The following NYAP2 variants were observed in gnomAD, a reference collection of about 807,000 sequenced individuals.
The protein encoded by NYAP2 is neuronal tyrosine-phosphorylated phosphoinositide-3-kinase adapter 2.
NYAP2 carries 23 observed loss-of-function variants against 50.4 expected under a neutral mutation model. The ratio of observed to expected loss-of-function variants is 0.46; its 90% CI spans 0.33 to 0.65. NYAP2 has a LOEUF of 0.65. NYAP2 is among the 30% of genes least tolerant of loss of function. NYAP2 has a pLI of 0.02. For missense variants in NYAP2, 885 were observed against 861.0 expected (o/e 1.03, Z -0.35); for synonymous variants, 394 against 365.2 (o/e 1.08, Z -0.90).
At chr2:225,514,815 C>T (rs1690898491) in intron 4 of NYAP2, among the ~76,000 whole-genome samples, 2 of 152,116 alleles carry the variant, frequency 1.3e-5, no homozygotes, top group Admixed American at 6.6e-5. Flanking sequence ...CTCTTCTGCC[C>T]CACTCTCCTT....
At chr2:225,507,062 C>T (rs1422252757) in intron 3 of NYAP2, among the ~76,000 whole-genome samples, 2 of 152,146 alleles carry the variant, frequency 1.3e-5, no homozygotes, top group African/African-American at 2.4e-5. Context: ...AAGCAAACTC[C>T]TAGGCAACCC....
Position 225,599,991 on chromosome 2 carries a change from G to A in NYAP2, c.1618+16956G>A, listed in dbSNP as rs1692667906. ...GTTCACAGTGCCCACTGCCTAGACA[G>A]AGCCTATTTATCAAGACAGGGGAAT... is the stretch of plus-strand genomic sequence containing the variant. On this transcript the variant is annotated intron_variant, in intron 5 of 6. Coordinates refer to ENST00000636099, the Ensembl canonical transcript of NYAP2. Among the ~76,000 whole-genome samples, 4 of 152,264 alleles carry A rather than the reference G, an allele frequency of 2.6e-5. No homozygotes were observed. The South Asian group carries it at 8.3e-4, about 32-fold the overall frequency.
At chr2:225,420,771 C>T (rs961636862) in intron 3 of NYAP2, among the ~76,000 whole-genome samples, 6 of 151,676 alleles carry the variant, frequency 4.0e-5, no homozygotes, top group African/African-American at 1.2e-4. Context: ...CCACCATACC[C>T]GGCTAATTTT....
Position 225,614,241 on chromosome 2 carries a change from A to G in NYAP2, c.1619-12676A>G, listed in dbSNP as rs1010186826. ...TCTTATTTGTTCCTAAGTATAGCTG[A>G]TTTATATCTAAATTATGAATGTTAA... On this transcript the variant is annotated intron_variant, in intron 5 of 6. Transcript: ENST00000636099. Among the ~76,000 whole-genome samples the G allele has an allele frequency of 3.3e-5, 5 of 152,188 alleles. No homozygotes were observed. In the East Asian group the frequency reaches 9.6e-4, roughly 29 times the overall value.
At chr2:225,521,575 C>T (rs1291166447) in intron 4 of NYAP2, among the ~76,000 whole-genome samples, 1 of 151,818 alleles carries the variant, frequency 6.6e-6, no homozygotes, top group Non-Finnish European at 1.5e-5. Context: ...CTGGATTACA[C>T]TTATTGATTT....
chr2:225,555,795 A>G (rs1358108646), intron 4 of NYAP2, among the ~76,000 whole-genome samples: 1 of 152,156 alleles, frequency 6.6e-6, no homozygotes, highest in Non-Finnish European at 1.5e-5. Context: ...TTCCAGAATC[A>G]CCTTGAGAGC....
the NYAP2 span, among the ~76,000 whole-genome samples, chr2:225,680,120 G>T: frequency 1.3e-5 from 2 of 152,146 alleles, no homozygotes; most frequent in Non-Finnish European, 2.9e-5. Context: ...CACAATCAAT[G>T]AGAGCTTGGA....
At chr2:225,583,001 G>T in exon 5 of NYAP2, 2 of 1,611,928 alleles carry the variant, frequency 1.2e-6, no homozygotes, top group Non-Finnish European at 1.7e-6. Flanking sequence ...TGCGCAAGTC[G>T]TCCAGTGGCC....
chr2:225,639,475 C>CA (rs1553559618), intron 6 of NYAP2, among the ~76,000 whole-genome samples: 6 of 150,776 alleles, frequency 4.0e-5, no homozygotes, highest in Admixed American at 2.0e-4. Flanking sequence ...ACATTTTTTT[C>CA]TTTTTTTTTG....
intron 5 of NYAP2, among the ~76,000 whole-genome samples, chr2:225,592,981 A>G (rs1478566468): frequency 6.6e-6 from 1 of 152,222 alleles, no homozygotes; most frequent in Admixed American, 6.5e-5. Flanking sequence ...CCTCAGTAGT[A>G]TTTAATTTTA....
intron 5 of NYAP2, among the ~76,000 whole-genome samples, chr2:225,595,697 A>G (rs937175993): frequency 1.3e-5 from 2 of 152,230 alleles, no homozygotes; most frequent in African/African-American, 4.8e-5. Flanking sequence ...CATCTGAACC[A>G]AGCTGTGTGT....
At chr2:225,561,114 A>G (rs1249070645) in intron 4 of NYAP2, among the ~76,000 whole-genome samples, 2 of 152,044 alleles carry the variant, frequency 1.3e-5, no homozygotes, top group Non-Finnish European at 2.9e-5. Flanking sequence ...CAGTAAACAT[A>G]AGTAAATATG....
In NYAP2 at chr2:225,651,639, C is replaced by A. The variant is rs1222571522; in HGVS notation, c.*74C>A. ...TTGCTGTAGACAACTTTCGCATTTGCTTTTATTTTTCTATGTGTGTATGGG... is the reference window on the plus strand; with the variant it reads ...TTGCTGTAGACAACTTTCGCATTTGATTTTATTTTTCTATGTGTGTATGGG... On this transcript the variant is annotated 3_prime_UTR_variant, in exon 7 of 7. Coordinates refer to ENST00000636099, the Ensembl canonical transcript of NYAP2. The A allele has an allele frequency of 7.2e-5, 112 of 1,561,706 alleles. 2 individuals are homozygous for A. In the South Asian group the frequency reaches 1.2e-3, roughly 16 times the overall value.
intron 3 of NYAP2, among the ~76,000 whole-genome samples, chr2:225,451,457 G>A (rs1689649346): frequency 6.6e-6 from 1 of 152,020 alleles, no homozygotes; most frequent in Non-Finnish European, 1.5e-5. Flanking sequence ...ATTATACTAT[G>A]ATAACTTAGA....
At chr2:225,510,831 G>A (rs1439467578) in intron 3 of NYAP2, among the ~76,000 whole-genome samples, 1 of 151,892 alleles carries the variant, frequency 6.6e-6, no homozygotes, top group Admixed American at 6.6e-5. Flanking sequence ...AACCAAAGCA[G>A]ATAGAGTTAG....
intron 4 of NYAP2, among the ~76,000 whole-genome samples, chr2:225,541,700 A>G (rs1574667937): frequency 6.6e-6 from 1 of 152,264 alleles, no homozygotes; most frequent in East Asian, 1.9e-4. Flanking sequence ...ATACCTCTGC[A>G]ATATCATTTG....
chr2:225,568,706 A>G (rs548060242), intron 4 of NYAP2, among the ~76,000 whole-genome samples: 67 of 152,344 alleles, frequency 4.4e-4, no homozygotes, highest in Non-Finnish European at 5.0e-4. Context: ...CTAAACTGGC[A>G]CCAATAAGCT....
chr2:225,471,452 G>A (rs774937335), intron 3 of NYAP2, among the ~76,000 whole-genome samples: 17 of 152,016 alleles, frequency 1.1e-4, no homozygotes, highest in Non-Finnish European at 2.1e-4. Flanking sequence ...TATTCTCTGC[G>A]TGCAAGAAAA....
intron 4 of NYAP2, among the ~76,000 whole-genome samples, chr2:225,546,883 C>G (rs1691594363): frequency 6.6e-6 from 1 of 152,140 alleles, no homozygotes; most frequent in Admixed American, 6.5e-5. Flanking sequence ...TCAGGGCCTG[C>G]AAGCTCTTTA....
Sources: gnomAD v4.1 joint callset for allele counts (sites outside exome capture counted in the v4.1 genomes callset) on GRCh38, gnomAD v4.1.1 for gene constraint, MANE v1.5 for transcripts, NCBI Gene and HGNC (gene_info 2026-07-23, HGNC 2026-07-21) for gene names.